Variants in GNAL observed in about 807,000 individuals in gnomAD.
The protein encoded by GNAL is guanine nucleotide-binding protein G(olf) subunit alpha.
In GNAL, 18 loss-of-function variants were observed where a neutral mutation model predicts 55.1. The ratio of observed to expected loss-of-function variants is 0.33; its 90% CI spans 0.23 to 0.48. GNAL has a LOEUF of 0.48. Ranked by LOEUF, GNAL falls within the 20% of genes least tolerant of loss-of-function variation. The pLI is 0.99. For missense variants in GNAL, 412 were observed against 614.1 expected (o/e 0.67, Z 3.48); for synonymous variants, 253 against 237.0 (o/e 1.07, Z -0.62).
At chr18:11,821,605 C>T (rs1002964938) in intron 4 of GNAL, among the ~76,000 whole-genome samples, 3 of 152,146 alleles carry the variant, frequency 2.0e-5, no homozygotes, top group Non-Finnish European at 4.4e-5. Context: ...AAGGGTATTG[C>T]GAAGGAAGTG....
In GNAL at chr18:11,752,767, A is replaced by G. The variant is rs1046795482; in HGVS notation, c.377-86A>G. 1.9e-6 allele frequency: 2 copies of G among 1,064,866 alleles called. No homozygotes were observed. The highest frequency in any genetic ancestry group is 1.4e-6 in the Non-Finnish European group (1 of 716,770). 66.0% of individuals were successfully genotyped at this position (1,064,866 alleles called of 1,614,324 possible). A position where few individuals can be genotyped will look rare whatever the true frequency, so the allele number is the denominator to read the frequency against. On this transcript the variant is annotated intron_variant, in intron 1 of 11. Transcript: ENST00000334049. This position sits in a 1 kb window ranked among gnomAD's most constrained non-coding sequence, Gnocchi z 4.5. ...GTGTAGGAAATCCCCGTGCTGGGGG[A>G]GGAGGATTGCTCAGACCCGGCTAGT...
intron 1 of GNAL, among the ~76,000 whole-genome samples, chr18:11,719,727 A>T (rs1055781954): frequency 1.3e-5 from 2 of 152,270 alleles, no homozygotes; most frequent in Non-Finnish European, 2.9e-5. Context: ...GAACGGAAGC[A>T]GGCTGTCATG....
chr18:11,769,020 TTATAA>T (rs2033529556), intron 4 of GNAL, among the ~76,000 whole-genome samples: 2 of 102,998 alleles, frequency 1.9e-5, no homozygotes, highest in Admixed American at 1.2e-4. Flanking sequence ...ATATTCTATA[TTATAA>T]TATATTATAT....
At chr18:11,878,334 CCAGCTA>C (rs1173408560) in intron 11 of GNAL, among the ~76,000 whole-genome samples, 4 of 152,176 alleles carry the variant, frequency 2.6e-5, no homozygotes, top group African/African-American at 9.6e-5. Context: ...GCGTGTAGTC[CCAGCTA>C]CTCAGGAGGC....
At chr18:11,788,906 A>T (rs1218876574) in intron 4 of GNAL, among the ~76,000 whole-genome samples, 843 of 23,542 alleles carry the variant, frequency 0.036, 22 homozygotes, top group East Asian at 0.19. Context: ...CGAAAAAAAA[A>T]AAAAAAAAAT....
chr18:11,732,299 G>C (rs778668742), intron 1 of GNAL, among the ~76,000 whole-genome samples: 1 of 152,214 alleles, frequency 6.6e-6, no homozygotes, highest in African/African-American at 2.4e-5. Context: ...CACCAGCAGT[G>C]TATGAAGGGT....
In GNAL at chr18:11,689,950, G is replaced by C. The variant is rs1372769778; in HGVS notation, c.376+11G>C. ...GGCTCCTGCTGCTCGGTAGGTCCCG[G>C]CCGCGAGGTCGGCTGACGCCCCGGG... On this transcript the variant is annotated intron_variant, in intron 1 of 11. Coordinates refer to ENST00000334049, the MANE Select transcript of GNAL (RefSeq NM_182978.4). The C allele has an allele frequency of 2.3e-6, 3 of 1,280,078 alleles. No individual in the cohort carries two copies. The highest frequency in any genetic ancestry group is 3.0e-6 in the Non-Finnish European group (3 of 1,011,328). 79.3% of individuals were successfully genotyped at this position (1,280,078 alleles called of 1,614,324 possible). A position where few individuals can be genotyped will look rare whatever the true frequency, so the allele number is the denominator to read the frequency against.
At chr18:11,815,721 T>C (rs934368238) in intron 4 of GNAL, among the ~76,000 whole-genome samples, 1 of 152,182 alleles carries the variant, frequency 6.6e-6, no homozygotes, top group African/African-American at 2.4e-5. Context: ...CAAAAAATAC[T>C]TAAGAAAAAT....
chr18:11,704,311 A>G (rs2143333085), intron 1 of GNAL, among the ~76,000 whole-genome samples: 1 of 152,316 alleles, frequency 6.6e-6, no homozygotes, highest in Middle Eastern at 3.4e-3. Flanking sequence ...GGAATTAGAG[A>G]TTGGAATGCC....
chr18:11,881,208 G>A lies in GNAL; in HGVS notation c.*73G>A, dbSNP rs953055846. The A allele has an allele frequency of 3.7e-5, 53 of 1,436,568 alleles. No individual in the cohort carries two copies. In the Admixed American group the frequency reaches 3.8e-4, roughly 10 times the overall value. 89.0% of individuals were successfully genotyped at this position (1,436,568 alleles called of 1,614,324 possible). A position where few individuals can be genotyped will look rare whatever the true frequency, so the allele number is the denominator to read the frequency against. On this transcript the variant is annotated 3_prime_UTR_variant, in exon 12 of 12. Coordinates refer to ENST00000334049, the MANE Select transcript of GNAL (RefSeq NM_182978.4). The surrounding 1 kb of genome is among the most constrained non-coding windows in gnomAD (Gnocchi z 4.8). ...CTGCCAGCCCCATGCCATGGTAGGA[G>A]GCAGAGTCTCTAGTTCCATCTCGCT...
In GNAL at chr18:11,767,172, C is replaced by T. The variant is rs149348109; in HGVS notation, c.624+13227C>T. On this transcript the variant is annotated intron_variant, in intron 4 of 11. Transcript: ENST00000334049. ...TTCTGTGCACCCTTATGCTTGCACA[C>T]TTGCTCTCTGTGTGCCTTTACATTT... 4.0e-5 allele frequency among the ~76,000 whole-genome samples: 6 copies of T among 151,644 alleles called. No homozygotes were observed. In the East Asian group the frequency reaches 9.7e-4, roughly 25 times the overall value.
chr18:11,824,010 C>G (rs1427534973), intron 4 of GNAL, among the ~76,000 whole-genome samples: 6 of 152,074 alleles, frequency 3.9e-5, no homozygotes, highest in African/African-American at 1.4e-4. Flanking sequence ...GACCTCATGG[C>G]TCTGGAATGA....
intron 4 of GNAL, among the ~76,000 whole-genome samples, chr18:11,822,095 C>T (rs1385295653): frequency 6.6e-6 from 1 of 152,222 alleles, no homozygotes; most frequent in Non-Finnish European, 1.5e-5. Context: ...GCACCGCAGG[C>T]GCGGGGCGAG....
chr18:11,876,757 A>G, intron 11 of GNAL, 69 bp downstream of exon 11: 2 of 855,950 alleles, frequency 2.3e-6, no homozygotes, highest in South Asian at 1.3e-5. Context: ...CAATATGCAA[A>G]TTACTCCTTG....
chr18:11,825,022 T>G lies in GNAL; in HGVS notation c.722+7T>G. 6.8e-7 allele frequency: 1 copy of G among 1,476,882 alleles called. No individual in the cohort carries two copies. 91.5% of individuals were successfully genotyped at this position (1,476,882 alleles called of 1,614,324 possible). On this transcript the variant is annotated splice_region_variant and intron_variant, in intron 5 of 11. Transcript: ENST00000334049. Reference sequence around the variant, plus strand: ...TGATTGACTGTGCACAATAGTAAGTTGTGTCCTGTACAAGTTACAGGGCCC... The same window carrying G: ...TGATTGACTGTGCACAATAGTAAGTGGTGTCCTGTACAAGTTACAGGGCCC...
Position 11,884,372 on chromosome 18 carries a change from C to A in GNAL, c.*3237C>A. 6.9e-7 allele frequency: 1 copy of A among 1,454,740 alleles called. No individual in the cohort carries two copies. The highest frequency in any genetic ancestry group is 9.5e-7 in the Non-Finnish European group (1 of 1,052,626). The allele number at this position is 1,454,740 out of a possible 1,614,324, so 90.1% of individuals were successfully genotyped here. A position where few individuals can be genotyped will look rare whatever the true frequency, so the allele number is the denominator to read the frequency against. On this transcript the variant is annotated 3_prime_UTR_variant, in exon 12 of 12. Coordinates refer to ENST00000334049, the MANE Select transcript of GNAL (RefSeq NM_182978.4). ...ACGGCCTGTAATTGGTCTCATCATC[C>A]ACTTGATTCTAACATGATCTCTGCC...
At chr18:11,705,396 A>G (rs922280992) in intron 1 of GNAL, among the ~76,000 whole-genome samples, 16 of 152,224 alleles carry the variant, frequency 1.1e-4, no homozygotes, top group African/African-American at 3.9e-4. Context: ...TGGCTATTGC[A>G]AAAATTGCTG....
At chr18:11,822,986 A>G (rs1191421829) in intron 4 of GNAL, among the ~76,000 whole-genome samples, 11 of 152,054 alleles carry the variant, frequency 7.2e-5, no homozygotes, top group Non-Finnish European at 1.0e-4. Context: ...ATTTGTTTCA[A>G]TGTAGCATGA....
rs186362618 is a variant in GNAL at position 11,691,834 on chromosome 18, G to A, written c.376+1895G>A. ...GCTTGAGAACCAGCTGCACGAAAGG[G>A]TGGCGGGCCGCAGTGTGCTCGCTGT... On this transcript the variant is annotated intron_variant, in intron 1 of 11. Transcript: ENST00000334049. Among the ~76,000 whole-genome samples the A allele has an allele frequency of 5.1e-3, 780 of 152,312 alleles. 4 individuals carry two copies. The highest frequency in any genetic ancestry group is 0.017 in the Middle Eastern group (5 of 294).
Sources: allele counts gnomAD v4.1 joint callset (sites outside exome capture counted in the v4.1 genomes callset), GRCh38; gene constraint gnomAD v4.1.1; non-coding constraint Gnocchi (gnomAD v3.1); transcripts MANE v1.5; gene names NCBI Gene and HGNC (gene_info 2026-07-23, HGNC 2026-07-21).